Variants in DOCK10 observed in about 807,000 individuals in gnomAD.
DOCK10 encodes the protein dedicator of cytokinesis protein 10.
A neutral mutation model predicts 280.1 loss-of-function variants in DOCK10; 145 were observed. That is an observed-to-expected ratio of 0.52 (90% CI 0.45 to 0.59). DOCK10 has a LOEUF of 0.59. DOCK10 is among the 20% of genes least tolerant of loss of function. DOCK10 has a pLI of 0.00. For missense variants in DOCK10, 2,368 were observed against 2,651.7 expected (o/e 0.89, Z 2.35); for synonymous variants, 915 against 942.2 (o/e 0.97, Z 0.53).
At chr2:224,857,778 G>A (rs1175298158) in intron 14 of DOCK10, among the ~76,000 whole-genome samples, 1 of 151,490 alleles carries the variant, frequency 6.6e-6, no homozygotes, top group Non-Finnish European at 1.5e-5. Flanking sequence ...TTACTTCAGT[G>A]TTAGAGAAAT....
rs370524123 is a variant in DOCK10 at position 224,774,992 on chromosome 2, G to A, written c.5926C>T (p.Arg1976Cys). 10 of 1,613,406 alleles carry A rather than the reference G, an allele frequency of 6.2e-6. No individual in the cohort carries two copies. Among genetic ancestry groups the A allele is most frequent in the East Asian group, 2.2e-5 (1 of 44,864 alleles). ...GTGAAGGGTGTCTCGAAGACAAAGC[G>A]GTTGATGTTGTGGTGCATTTCGAAA... ...TDFEMHHNIN[R>C]FVFETPFTLS... The change falls in exon 52 of 56, where the codon CGC becomes TGC. Residue 1976 changes from arginine (R) to cysteine (C), a missense_variant. Arg to Cys is a radical substitution (Grantham distance 180). Transcript: ENST00000258390.
chr2:224,773,718 G>A (rs919228088), intron 52 of DOCK10, among the ~76,000 whole-genome samples: 3 of 150,842 alleles, frequency 2.0e-5, no homozygotes, highest in Non-Finnish European at 4.4e-5. Context: ...TGCAGTCTCC[G>A]CCTTCTGGGT....
At chr2:224,888,120 CATT>C (rs1214473259) in intron 4 of DOCK10, among the ~76,000 whole-genome samples, 2 of 152,078 alleles carry the variant, frequency 1.3e-5, no homozygotes, top group Non-Finnish European at 1.5e-5. Flanking sequence ...CTCCCATCAT[CATT>C]GTGGCATTAT....
rs1447945358 is a variant in DOCK10 at position 224,876,308 on chromosome 2, A to C, written c.748-87T>G. On this transcript the variant is annotated intron_variant, in intron 7 of 55. Transcript: ENST00000258390. ...ATCATTTATGTGGGCTTGAGGTTCC[A>C]AAAGTCTTTCCATACAGATAGATAA... is the stretch of plus-strand genomic sequence containing the variant. 1.9e-5 allele frequency: 24 copies of C among 1,233,512 alleles called. No homozygotes were observed. The South Asian group carries it at 3.5e-4, about 18-fold the overall frequency. 76.4% of individuals were successfully genotyped at this position (1,233,512 alleles called of 1,614,324 possible).
intron 53 of DOCK10, 86 bp downstream of exon 53, chr2:224,773,071 T>C (rs951761065): frequency 8.1e-7 from 1 of 1,229,410 alleles, no homozygotes; most frequent in Non-Finnish European, 1.1e-6. Flanking sequence ...ATGTTTCTTA[T>C]ATTCTTTGTA....
intron 1 of DOCK10, among the ~76,000 whole-genome samples, chr2:224,964,048 C>T (rs1271472049): frequency 5.6e-5 from 7 of 124,772 alleles, no homozygotes; most frequent in South Asian, 2.5e-4. Flanking sequence ...GTTATATTTT[C>T]GAAATACCTA....
At chr2:224,775,557 C>G (rs1559371861) in intron 51 of DOCK10, among the ~76,000 whole-genome samples, 1 of 152,098 alleles carries the variant, frequency 6.6e-6, no homozygotes, top group African/African-American at 2.4e-5. Context: ...CTCACTGCAA[C>G]CTCCCCCTCC....
intron 2 of DOCK10, among the ~76,000 whole-genome samples, chr2:224,925,013 A>G (rs145180322): frequency 6.6e-6 from 1 of 152,316 alleles, no homozygotes; most frequent in African/African-American, 2.4e-5. Flanking sequence ...GAGGAATATT[A>G]TAACATAGAA....
rs1255650280 is a variant in DOCK10 at position 224,886,542 on chromosome 2, A to T, written c.417-11T>A. On this transcript the variant is annotated splice_polypyrimidine_tract_variant and intron_variant, in intron 4 of 55. Transcript: ENST00000258390. ...GGTTTGTATTCTGCTCTGATATTAA[A>T]AAAAAAAAAAGATTCTGATTTGTCA... is the stretch of plus-strand genomic sequence containing the variant. 1 of 1,552,506 alleles carries T rather than the reference A, an allele frequency of 6.4e-7. No homozygotes were observed. The highest frequency in any genetic ancestry group is 1.4e-5 in the African/African-American group (1 of 71,680).
chr2:224,856,834 A>T, intron 15 of DOCK10, 26 bp downstream of exon 15: 1 of 1,581,410 alleles, frequency 6.3e-7, no homozygotes, highest in Non-Finnish European at 8.6e-7. Context: ...ATTTATGTTA[A>T]TTTCGAGAGT....
intron 22 of DOCK10, among the ~76,000 whole-genome samples, chr2:224,844,443 T>G (rs1162916880): frequency 6.6e-6 from 1 of 152,152 alleles, no homozygotes; most frequent in Admixed American, 6.6e-5. Context: ...ATTTTTAACA[T>G]TTAACATTTT....
chr2:224,949,131 A>G (rs1157489346), intron 1 of DOCK10, among the ~76,000 whole-genome samples: 1 of 152,186 alleles, frequency 6.6e-6, no homozygotes, highest in Non-Finnish European at 1.5e-5. Flanking sequence ...CATGGCATGG[A>G]GTGTTCCATG....
chr2:224,806,159 A>G lies in DOCK10; in HGVS notation c.3781T>C (p.Ser1261Pro). The change falls in exon 34 of 56, where the codon TCA becomes CCA. Residue 1261 changes from serine (S) to proline (P), a missense_variant. By Grantham distance (74) the Ser-to-Pro change is moderately conservative. Coordinates refer to ENST00000258390, the MANE Select transcript of DOCK10 (RefSeq NM_014689.3). ...AIKHANSVDT[S>P]FSKDVLNSIA... ...GAATTTAAAACATCTTTAGAAAATGATGTATCCACAGAGTTTGCATGTTTG... is the reference window on the plus strand; with the variant it reads ...GAATTTAAAACATCTTTAGAAAATGGTGTATCCACAGAGTTTGCATGTTTG... 3 of 1,609,056 alleles carry G rather than the reference A, an allele frequency of 1.9e-6. No homozygotes were observed. Among genetic ancestry groups the G allele is most frequent in the Non-Finnish European group, 2.5e-6 (3 of 1,177,182 alleles).
chr2:224,873,331 C>T (rs978289988), intron 11 of DOCK10, among the ~76,000 whole-genome samples: 2 of 152,102 alleles, frequency 1.3e-5, no homozygotes, highest in African/African-American at 4.8e-5. Context: ...AATCCCAGCA[C>T]TTTGAGAGGT....
chr2:224,982,260 A>G, intron 1 of DOCK10: 2 of 1,231,978 alleles, frequency 1.6e-6, no homozygotes, highest in East Asian at 3.2e-5. Flanking sequence ...TCCAGAGGCA[A>G]AATTTCGTGG....
At chr2:224,980,564 T>G (rs1335486755) in intron 1 of DOCK10, among the ~76,000 whole-genome samples, 1 of 152,184 alleles carries the variant, frequency 6.6e-6, no homozygotes, top group Non-Finnish European at 1.5e-5. Flanking sequence ...GTGTGTGAAT[T>G]TTGGAGTGGC....
chr2:224,975,932 T>C (rs1705411512), intron 1 of DOCK10, among the ~76,000 whole-genome samples: 1 of 152,150 alleles, frequency 6.6e-6, no homozygotes, highest in Admixed American at 6.5e-5. Context: ...GTACCACCTT[T>C]TTTTGGGTGT....
chr2:225,014,094 T>TG (rs1553632524), intron 1 of DOCK10, among the ~76,000 whole-genome samples: 1 of 110,650 alleles, frequency 9.0e-6, no homozygotes, highest in African/African-American at 3.7e-5. Flanking sequence ...GTTTTTTTTT[T>TG]TTTGTTTTTT....
intron 1 of DOCK10, among the ~76,000 whole-genome samples, chr2:224,980,649 A>G (rs1346671050): frequency 6.6e-6 from 1 of 152,228 alleles, no homozygotes; most frequent in Non-Finnish European, 1.5e-5. Context: ...GATTTCCATC[A>G]GACTTCTTAC....
Sources: allele counts gnomAD v4.1 joint callset (sites outside exome capture counted in the v4.1 genomes callset), GRCh38; gene constraint gnomAD v4.1.1; transcripts MANE v1.5; gene names NCBI Gene and HGNC (gene_info 2026-07-23, HGNC 2026-07-21).